ZNF804A: variants seen among roughly 807,000 people sequenced by gnomAD.
ZNF804A encodes the protein zinc finger protein 804A.
In ZNF804A, 2 loss-of-function variants were observed where a neutral mutation model predicts 16.5. The observed-to-expected ratio is 0.12, with a 90% CI of 0.05 to 0.38. ZNF804A has a LOEUF of 0.38. ZNF804A is among the 10% of genes least tolerant of loss of function. The probability of loss-of-function intolerance (pLI) is 0.99; values close to 1 mark genes in which losing one functional copy is unlikely to be tolerated. For synonymous variants in ZNF804A, 534 were observed against 489.6 expected, an observed-to-expected ratio of 1.09 and a Z score of -1.20; for missense variants, 1,473 against 1,390.7, an observed-to-expected ratio of 1.06 and a Z score of -0.94.
At chr2:184,928,639 C>T (rs146520449) in intron 2 of ZNF804A, among the ~76,000 whole-genome samples, 2,299 of 152,190 alleles carry the variant, frequency 0.015, 24 homozygotes, top group Admixed American at 0.031. Flanking sequence ...ATAAATAAAG[C>T]TGAACTTTAT....
At chr2:184,793,856 A>G (rs936366630) in intron 1 of ZNF804A, among the ~76,000 whole-genome samples, 1 of 152,144 alleles carries the variant, frequency 6.6e-6, no homozygotes, top group Non-Finnish European at 1.5e-5. Context: ...TTCACTTAGA[A>G]TGATGGTTTC....
At chr2:184,697,775 A>G (rs187473536) in intron 1 of ZNF804A, among the ~76,000 whole-genome samples, 11 of 152,194 alleles carry the variant, frequency 7.2e-5, no homozygotes, top group Admixed American at 3.9e-4. Flanking sequence ...GTTAGTTTCC[A>G]TTTGATTTTT....
At chr2:184,640,113 A>G (rs1691770728) in intron 1 of ZNF804A, among the ~76,000 whole-genome samples, 1 of 152,080 alleles carries the variant, frequency 6.6e-6, no homozygotes, top group Admixed American at 6.6e-5. Flanking sequence ...GAACTCATAT[A>G]TGTGTAAAAA....
intron 1 of ZNF804A, among the ~76,000 whole-genome samples, chr2:184,705,099 A>G (rs1693000480): frequency 6.6e-6 from 1 of 152,240 alleles, no homozygotes; most frequent in African/African-American, 2.4e-5. Flanking sequence ...GAGCCTAAGC[A>G]GAGATGAGAC....
At chr2:184,855,402 T>C (rs887391099) in intron 1 of ZNF804A, among the ~76,000 whole-genome samples, 1 of 152,054 alleles carries the variant, frequency 6.6e-6, no homozygotes, top group African/African-American at 2.4e-5. Flanking sequence ...ATGGACTTGA[T>C]GAAAACAGCC....
chr2:184,681,724 TA>T (rs1417551329), intron 1 of ZNF804A, among the ~76,000 whole-genome samples: 1 of 152,214 alleles, frequency 6.6e-6, no homozygotes, highest in Admixed American at 6.5e-5. Flanking sequence ...TCCATATAGC[TA>T]GCAGGGGCCA....
intron 1 of ZNF804A, among the ~76,000 whole-genome samples, chr2:184,862,077 T>C (rs1231235849): frequency 6.6e-6 from 1 of 152,190 alleles, no homozygotes; most frequent in Admixed American, 6.5e-5. Context: ...ACTGTGCTCA[T>C]AGTTCAACCT....
At chr2:184,745,705 T>A (rs1455141737) in intron 1 of ZNF804A, among the ~76,000 whole-genome samples, 1 of 150,844 alleles carries the variant, frequency 6.6e-6, no homozygotes, top group Non-Finnish European at 1.5e-5. Flanking sequence ...TTAGCACAGA[T>A]GTGGAACCAA....
At chr2:184,739,626 A>G (rs1285992661) in intron 1 of ZNF804A, among the ~76,000 whole-genome samples, 2 of 152,150 alleles carry the variant, frequency 1.3e-5, no homozygotes, top group African/African-American at 4.8e-5. Context: ...TCCTGACAAG[A>G]AGTGATCCTC....
intron 2 of ZNF804A, among the ~76,000 whole-genome samples, chr2:184,881,489 A>C (rs1684809450): frequency 1.3e-5 from 2 of 152,100 alleles, no homozygotes; most frequent in African/African-American, 4.8e-5. Flanking sequence ...GTTAAAATGA[A>C]AGAAATACTA....
chr2:184,750,398 A>T (rs1693861025), intron 1 of ZNF804A, among the ~76,000 whole-genome samples: 1 of 151,374 alleles, frequency 6.6e-6, no homozygotes, highest in African/African-American at 2.4e-5. Flanking sequence ...TCTCATTTTG[A>T]AAAAGTTGAT....
rs1345255652 is a variant in ZNF804A, at chr2:184,936,372, C to T, written c.976C>T (p.Gln326Ter). The T allele has an allele frequency of 6.2e-7, 1 of 1,613,896 alleles. No homozygotes were observed. Residue 326 changes from glutamine (Q) to a stop codon, truncating the protein, a stop_gained, in exon 4 of 4, where the codon CAA becomes TAA. Coordinates refer to ENST00000302277, the MANE Select transcript of ZNF804A (RefSeq NM_194250.2). LOFTEE classifies it low-confidence loss of function (END_TRUNC). ...LQLSSDADNC[Q>*]NSVPLADQIP... is the part of the protein sequence containing the mutation. ...GTTATCTTCTGATGCAGATAATTGTCAAAATTCAGTCCCATTAGCAGATCA... is the reference window on the plus strand; with the variant it reads ...GTTATCTTCTGATGCAGATAATTGTTAAAATTCAGTCCCATTAGCAGATCA...
At chr2:184,679,964 A>G (rs1187172341) in intron 1 of ZNF804A, among the ~76,000 whole-genome samples, 1 of 152,180 alleles carries the variant, frequency 6.6e-6, no homozygotes. Context: ...GCCCAGAGTA[A>G]GAACTTATGG....
rs370660751 is a variant in ZNF804A at position 184,636,452 on chromosome 2, TGAGA to T, written c.111+37404_111+37407del. ...GTGTGTGTGTGTGTGTGTGTGTGTG[TGAGA>T]GAGAGAGAGAGAGAGAGAGAGGTAA... On this transcript the variant is annotated intron_variant, in intron 1 of 3. Coordinates refer to ENST00000302277, the MANE Select transcript of ZNF804A (RefSeq NM_194250.2). Among the ~76,000 whole-genome samples, 392 of 114,144 alleles carry T rather than the reference TGAGA, an allele frequency of 3.4e-3. 10 individuals are homozygous for T. Among genetic ancestry groups the T allele is most frequent in the Middle Eastern group, 4.7e-3 (1 of 212 alleles). 74.9% of individuals were successfully genotyped at this position (114,144 alleles called of 152,430 possible).
intron 1 of ZNF804A, among the ~76,000 whole-genome samples, chr2:184,852,830 A>G (rs979348699): frequency 4.0e-5 from 6 of 151,024 alleles, no homozygotes; most frequent in African/African-American, 1.5e-4. Flanking sequence ...TGTTAACAAC[A>G]TGTTGGTTGC....
intron 1 of ZNF804A, among the ~76,000 whole-genome samples, chr2:184,749,918 A>G (rs965379682): frequency 2.0e-5 from 3 of 151,332 alleles, no homozygotes; most frequent in African/African-American, 7.3e-5. Flanking sequence ...GCAAAAGTAT[A>G]AAGATAATAA....
chr2:184,628,575 A>C (rs957135420), intron 1 of ZNF804A, among the ~76,000 whole-genome samples: 8 of 152,126 alleles, frequency 5.3e-5, no homozygotes, highest in African/African-American at 9.7e-5. Flanking sequence ...TCTTACTCAA[A>C]ATTAAATATT....
At chr2:184,704,886 T>C (rs985564245) in intron 1 of ZNF804A, among the ~76,000 whole-genome samples, 2 of 152,204 alleles carry the variant, frequency 1.3e-5, no homozygotes, top group Non-Finnish European at 2.9e-5. Flanking sequence ...CCTTGTAGAC[T>C]CTGCTTGGAC....
intron 1 of ZNF804A, among the ~76,000 whole-genome samples, chr2:184,754,006 A>G (rs1169462020): frequency 6.6e-6 from 1 of 151,828 alleles, no homozygotes; most frequent in Non-Finnish European, 1.5e-5. Flanking sequence ...ATACCCATTC[A>G]TCTTTCTCAC....
Sources: allele counts gnomAD v4.1 joint callset (sites outside exome capture counted in the v4.1 genomes callset), GRCh38; gene constraint gnomAD v4.1.1; transcripts MANE v1.5; gene names NCBI Gene and HGNC (gene_info 2026-07-23, HGNC 2026-07-21).